Variants in SLC5A1 observed in about 807,000 individuals in gnomAD.
SLC5A1 encodes sodium/glucose cotransporter 1.
SLC5A1 carries 42 observed loss-of-function variants against 73.5 expected under a neutral mutation model. The observed-to-expected ratio is 0.57, with a 90% CI of 0.45 to 0.74. The LOEUF (loss-of-function observed/expected upper bound fraction) is 0.74, where lower values mean the gene tolerates loss of function less well. SLC5A1 is among the 30% of genes least tolerant of loss of function. The pLI is 0.00. For synonymous variants in SLC5A1, 300 were observed against 317.4 expected (o/e 0.95, Z 0.58); for missense variants, 634 against 855.4 (o/e 0.74, Z 3.23).
chr22:32,081,534 T>A (rs1603126443), intron 5 of SLC5A1, among the ~76,000 whole-genome samples: 1 of 152,182 alleles, frequency 6.6e-6, no homozygotes, highest in African/African-American at 2.4e-5. Context: ...TACAGGTGAC[T>A]TGCAAGGAAC....
chr22:32,106,590 G>T (rs2094046314), intron 14 of SLC5A1, among the ~76,000 whole-genome samples: 1 of 152,188 alleles, frequency 6.6e-6, no homozygotes, highest in Non-Finnish European at 1.5e-5. Context: ...AAGATGAGGG[G>T]ATAGAAGCCC....
At chr22:32,049,189 CTATATCTAT>C (rs2093941788) in intron 1 of SLC5A1, among the ~76,000 whole-genome samples, 1 of 39,272 alleles carries the variant, frequency 2.5e-5, no homozygotes, top group African/African-American at 3.9e-5. Flanking sequence ...ATATCTATAT[CTATATCTAT>C]ATCTATATCT....
At chr22:32,049,111 T>A (rs952703157) in intron 1 of SLC5A1, among the ~76,000 whole-genome samples, 5 of 142,554 alleles carry the variant, frequency 3.5e-5, no homozygotes, top group South Asian at 2.1e-4. Flanking sequence ...TATATATATA[T>A]AATCATTATA....
chr22:32,048,470 A>T (rs1009961581), intron 1 of SLC5A1, among the ~76,000 whole-genome samples: 3 of 152,200 alleles, frequency 2.0e-5, no homozygotes, highest in African/African-American at 7.2e-5. Context: ...TATGCAATAA[A>T]GCCTGCACTT....
At chr22:32,056,598 C>A (rs2093952332) in intron 2 of SLC5A1, among the ~76,000 whole-genome samples, 1 of 151,918 alleles carries the variant, frequency 6.6e-6, no homozygotes, top group Non-Finnish European at 1.5e-5. Context: ...AGTTTAAGGA[C>A]CACTATTGGA....
Position 32,110,706 on chromosome 22 carries a change from C to G in SLC5A1, c.*493C>G, listed in dbSNP as rs1027109264. 8.7e-6 allele frequency: 2 copies of G among 229,938 alleles called. No individual in the cohort carries two copies. The highest frequency in any genetic ancestry group is 1.7e-5 in the Non-Finnish European group (2 of 115,612). The allele number at this position is 229,938 out of a possible 1,614,324, so 14.2% of individuals were successfully genotyped here. On this transcript the variant is annotated 3_prime_UTR_variant, in exon 15 of 15. Coordinates refer to ENST00000266088, the MANE Select transcript of SLC5A1 (RefSeq NM_000343.4). ...CCTGGACTTTCCCTCTCAAGTGTGT[C>G]AATCAGGTAAACTGAGGAATGCATG...
rs1053992198 is a variant in SLC5A1 at position 32,043,566 on chromosome 22, G to A, written c.135+150G>A. ...CACTTTAGAAGCACTCAGAGGCACA[G>A]CATGAAGGGAGGAGGGCAAGCAAGG... is the stretch of plus-strand genomic sequence containing the variant. On this transcript the variant is annotated intron_variant, in intron 1 of 14. Coordinates refer to ENST00000266088, the MANE Select transcript of SLC5A1 (RefSeq NM_000343.4). The surrounding 1 kb of genome is among the most constrained non-coding windows in gnomAD (Gnocchi z 6.5). 7 of 861,256 alleles carry A rather than the reference G, an allele frequency of 8.1e-6. No individual in the cohort carries two copies. Among genetic ancestry groups the A allele is most frequent in the Non-Finnish European group, 1.3e-5 (7 of 532,272 alleles). The allele number at this position is 861,256 out of a possible 1,614,324, so 53.4% of individuals were successfully genotyped here.
chr22:32,100,300 T>G (rs903808379), intron 12 of SLC5A1, among the ~76,000 whole-genome samples: 25 of 152,344 alleles, frequency 1.6e-4, no homozygotes, highest in East Asian at 5.8e-4. Flanking sequence ...CCAATTTGAC[T>G]TCTTCTTTTC....
At chr22:32,103,142 T>G (rs1173356524) in intron 13 of SLC5A1, among the ~76,000 whole-genome samples, 3 of 152,264 alleles carry the variant, frequency 2.0e-5, no homozygotes, top group Non-Finnish European at 2.9e-5. Context: ...TTTGAGGAAC[T>G]TCCATAGTGT....
chr22:32,069,271 CG>C (rs2093979082), intron 5 of SLC5A1, among the ~76,000 whole-genome samples: 1 of 151,932 alleles, frequency 6.6e-6, no homozygotes, highest in Admixed American at 6.6e-5. Context: ...TGGGGGTGAG[CG>C]GGTGGGGAGT....
At chr22:32,046,544 G>C (rs78247456) in intron 1 of SLC5A1, among the ~76,000 whole-genome samples, 6,824 of 152,192 alleles carry the variant, frequency 0.045, 208 homozygotes, top group Non-Finnish European at 0.07. Flanking sequence ...GGGCTCAGAC[G>C]CGATGTCCTG....
intron 11 of SLC5A1, among the ~76,000 whole-genome samples, chr22:32,098,844 T>C (rs2149496389): frequency 6.6e-6 from 1 of 151,984 alleles, no homozygotes; most frequent in East Asian, 1.9e-4. Flanking sequence ...CCCAGCACTT[T>C]GGGAGGCCGA....
At chr22:32,060,178 CACACACACATAT>C (rs753334066) in intron 2 of SLC5A1, among the ~76,000 whole-genome samples, 2 of 112,636 alleles carry the variant, frequency 1.8e-5, no homozygotes, top group Non-Finnish European at 4.0e-5. Context: ...CACACACACA[CACACACACATAT>C]ATATATATAT....
chr22:32,099,460 G>GCACATCCGTGTCTGCTCA, intron 12 of SLC5A1, 109 bp downstream of exon 12: 4 of 1,096,676 alleles, frequency 3.6e-6, no homozygotes, highest in Non-Finnish European at 5.5e-6. Context: ...ATCTTGAGCA[G>GCACATCCGTGTCTGCTCA]ACACGGATGT....
At chr22:32,050,084 C>T in intron 2 of SLC5A1, 70 bp downstream of exon 2, 1 of 1,366,342 alleles carries the variant, frequency 7.3e-7, no homozygotes, top group Middle Eastern at 1.8e-4. Flanking sequence ...TCATTTTCTT[C>T]TTGGCTTTGG....
chr22:32,107,960 A>G (rs891515443), intron 14 of SLC5A1, among the ~76,000 whole-genome samples: 6 of 152,194 alleles, frequency 3.9e-5, no homozygotes, highest in Non-Finnish European at 8.8e-5. Context: ...TGATATGATC[A>G]TAACATGTTT....
chr22:32,099,485 G>A, intron 12 of SLC5A1, 134 bp downstream of exon 12: 8 of 921,476 alleles, frequency 8.7e-6, no homozygotes, highest in Non-Finnish European at 1.4e-5. Flanking sequence ...CTGAGGGTTT[G>A]TAGGGAAAGC....
chr22:32,084,388 A>G (rs1262270766), intron 7 of SLC5A1, 51 bp from the exon 8 acceptor site: 1 of 1,512,098 alleles, frequency 6.6e-7, no homozygotes, highest in African/African-American at 1.4e-5. Context: ...AGAAGCTGCT[A>G]TGACGAGTTG....
intron 2 of SLC5A1, among the ~76,000 whole-genome samples, chr22:32,061,437 G>A (rs1290885168): frequency 6.6e-6 from 1 of 152,014 alleles, no homozygotes; most frequent in Non-Finnish European, 1.5e-5. Flanking sequence ...AGTCAGTAGG[G>A]AGAAATGATT....
Sources: gnomAD v4.1 joint callset for allele counts (sites outside exome capture counted in the v4.1 genomes callset) on GRCh38, gnomAD v4.1.1 for gene constraint, Gnocchi (gnomAD v3.1) non-coding constraint, MANE v1.5 for transcripts, NCBI Gene and HGNC (gene_info 2026-07-23, HGNC 2026-07-21) for gene names.